The following NSFL1C variants were observed in gnomAD, a reference collection of about 807,000 sequenced individuals.
NSFL1C encodes the protein NSFL1 cofactor, also known as NSFL1 cofactor p47.
In NSFL1C, 14 loss-of-function variants were observed where a neutral mutation model predicts 43.1. The observed-to-expected ratio is 0.32, with a 90% CI of 0.21 to 0.51. The LOEUF (loss-of-function observed/expected upper bound fraction) is 0.51, where lower values mean the gene tolerates loss of function less well. Ranked by LOEUF, NSFL1C falls within the 20% of genes least tolerant of loss-of-function variation. The pLI, the probability that NSFL1C is intolerant of heterozygous loss-of-function variation, is 0.98. For synonymous variants in NSFL1C, 171 were observed against 183.5 expected (o/e 0.93, Z 0.55); for missense variants, 406 against 472.5 (o/e 0.86, Z 1.30).
intron 8 of NSFL1C, among the ~76,000 whole-genome samples, chr20:1,444,611 A>C (rs1347785284): frequency 1.3e-5 from 2 of 151,896 alleles, no homozygotes; most frequent in African/African-American, 4.8e-5. Context: ...TTTGCCCCAA[A>C]CCCCTAAAAT....
At chr20:1,454,846 AG>A in intron 4 of NSFL1C, 120 bp downstream of exon 4, 1 of 1,062,040 alleles carries the variant, frequency 9.4e-7, no homozygotes, top group South Asian at 1.5e-5. Flanking sequence ...TGTTCCGCAC[AG>A]AAGACCAAGT....
In NSFL1C at chr20:1,464,382, A is replaced by G. The variant is rs754051561; in HGVS notation, c.150T>C (p.Ile50=). The G allele has an allele frequency of 8.7e-6, 14 of 1,614,150 alleles. No homozygotes were observed. The highest frequency in any genetic ancestry group is 1.1e-5 in the Non-Finnish European group (13 of 1,180,054). ...SFYEDGGDED[I]VTISQATPSS... The stretch of plus-strand genomic sequence containing the variant: ...TGGGGGTTGCCTGCGAAATGGTCAC[A>G]ATGTCTTCATCCCCTCCGTCCTCAT... The change falls in exon 2 of 9, where the codon ATT becomes ATC. Residue 50 remains isoleucine, a synonymous_variant. Coordinates refer to ENST00000216879, the MANE Select transcript of NSFL1C (RefSeq NM_016143.5).
chr20:1,446,759 C>T (rs1396520089), intron 7 of NSFL1C, among the ~76,000 whole-genome samples: 2 of 152,172 alleles, frequency 1.3e-5, no homozygotes, highest in African/African-American at 4.8e-5. Context: ...CACTCCCAGT[C>T]TTTCTCTTAG....
At chr20:1,447,424 AG>A (rs1215627287) in intron 7 of NSFL1C, among the ~76,000 whole-genome samples, 2 of 143,656 alleles carry the variant, frequency 1.4e-5, no homozygotes, top group Non-Finnish European at 3.0e-5. Context: ...AAATGTTATG[AG>A]TTTTTTTTTT....
chr20:1,465,579 G>A (rs1424378402), intron 1 of NSFL1C, among the ~76,000 whole-genome samples: 1 of 152,142 alleles, frequency 6.6e-6, no homozygotes, highest in African/African-American at 2.4e-5. Context: ...TTATGTTTGG[G>A]GAGTAATTTA....
chr20:1,443,552 TG>T lies in NSFL1C; in HGVS notation c.*196del. Reference sequence around the variant, plus strand: ...TATTTTTTTTTTCATTAAAGTCCATTGATCATCACAAAAACCCAGGAAATGC... The same window carrying T: ...TATTTTTTTTTTCATTAAAGTCCATTATCATCACAAAAACCCAGGAAATGC... On this transcript the variant is annotated 3_prime_UTR_variant, in exon 9 of 9. Coordinates refer to ENST00000216879, the MANE Select transcript of NSFL1C (RefSeq NM_016143.5). 2.0e-6 allele frequency: 1 copy of T among 494,346 alleles called. No individual in the cohort carries two copies. The highest frequency in any genetic ancestry group is 3.0e-5 in the East Asian group (1 of 33,248). 30.6% of individuals were successfully genotyped at this position (494,346 alleles called of 1,614,324 possible).
intron 3 of NSFL1C, among the ~76,000 whole-genome samples, chr20:1,457,679 CTTTA>C (rs1003533466): frequency 4.6e-5 from 7 of 152,150 alleles, no homozygotes; most frequent in African/African-American, 1.4e-4. Context: ...CGAGAGCATG[CTTTA>C]TTTGTGTTTC....
chr20:1,454,458 C>G (rs1252037385), intron 4 of NSFL1C, among the ~76,000 whole-genome samples, 153 bp from the exon 5 acceptor site: 1 of 152,200 alleles, frequency 6.6e-6, no homozygotes, highest in Non-Finnish European at 1.5e-5. Flanking sequence ...TCTCTGATAT[C>G]AGACTCAGTG....
In NSFL1C at chr20:1,458,277, G is replaced by A. The variant is rs370717548; in HGVS notation, c.204-3C>T. ...TGAAGGATGTCACTCTATTATCACTGGAGACACAGAAAGGAGCAAAATGAT... is the reference window on the plus strand; with the variant it reads ...TGAAGGATGTCACTCTATTATCACTAGAGACACAGAAAGGAGCAAAATGAT... On this transcript the variant is annotated splice_region_variant and splice_polypyrimidine_tract_variant and intron_variant, in intron 2 of 8. Coordinates refer to ENST00000216879, the MANE Select transcript of NSFL1C (RefSeq NM_016143.5). The A allele has an allele frequency of 2.5e-6, 4 of 1,612,674 alleles. No homozygotes were observed. Among genetic ancestry groups the A allele is most frequent in the African/African-American group, 1.3e-5 (1 of 74,828 alleles).
chr20:1,463,383 A>G (rs1383528588), intron 2 of NSFL1C: 1 of 152,196 alleles, frequency 6.6e-6, no homozygotes, highest in Non-Finnish European at 1.5e-5. Context: ...CATCACCAAC[A>G]TCTCATAGGT....
chr20:1,466,660 C>T (rs1476867308), intron 1 of NSFL1C, 60 bp downstream of exon 1: 2 of 1,477,206 alleles, frequency 1.4e-6, no homozygotes, highest in African/African-American at 1.4e-5. Flanking sequence ...GCTTAAGGCA[C>T]CAGGCGCCCG....
intron 2 of NSFL1C, among the ~76,000 whole-genome samples, chr20:1,463,061 C>G (rs548676919): frequency 4.1e-4 from 62 of 152,250 alleles, no homozygotes; most frequent in Admixed American, 1.0e-3. Context: ...CCCAAGGTCA[C>G]AAAGCTTTTA....
chr20:1,447,093 A>C (rs895219476), intron 7 of NSFL1C, among the ~76,000 whole-genome samples: 8 of 152,226 alleles, frequency 5.3e-5, no homozygotes, highest in African/African-American at 1.9e-4. Flanking sequence ...CTTTTCTGTG[A>C]ATGTGAAAAA....
chr20:1,466,685 C>G (rs1168314839), intron 1 of NSFL1C, 35 bp downstream of exon 1: 2 of 1,520,018 alleles, frequency 1.3e-6, no homozygotes, highest in East Asian at 2.5e-5. Context: ...CAGCAGTCCC[C>G]GGCCCACCCG....
At chr20:1,464,280 C>T in intron 2 of NSFL1C, 49 bp downstream of exon 2, 2 of 1,544,190 alleles carry the variant, frequency 1.3e-6, no homozygotes, top group Non-Finnish European at 1.8e-6. Context: ...AATAGCTCCT[C>T]TTCACTGCTG....
At chr20:1,456,937 T>A (rs1568624537) in intron 3 of NSFL1C, 1 of 152,192 alleles carries the variant, frequency 6.6e-6, no homozygotes, top group Non-Finnish European at 1.5e-5. Context: ...TGGGGAAACG[T>A]CTGAGATGTA....
chr20:1,448,538 G>C (rs920216148), intron 7 of NSFL1C, among the ~76,000 whole-genome samples: 1 of 152,212 alleles, frequency 6.6e-6, no homozygotes, highest in Admixed American at 6.5e-5. Flanking sequence ...AGGAAAGCCT[G>C]ATGCCTGGAC....
chr20:1,452,708 C>T, intron 6 of NSFL1C, 78 bp from the exon 7 acceptor site: 1 of 1,562,094 alleles, frequency 6.4e-7, no homozygotes, highest in Non-Finnish European at 8.7e-7. Context: ...GAGAAGAAAC[C>T]TCTCAGTCCC....
rs2090342338 is a variant in NSFL1C, at chr20:1,458,250, T to G, written c.228A>C (p.Arg76Ser). ...CTTCATCTTGGTCATGAATGAGGTC[T>G]CTGAAGGATGTCACTCTATTATCAC... is the stretch of plus-strand genomic sequence containing the variant. Reference protein sequence around the residue: ...APSDNRVTSFRDLIHDQDEDE... With the variant: ...APSDNRVTSFSDLIHDQDEDE... Residue 76 changes from arginine to serine, a missense_variant, in exon 3 of 9, where the codon AGA (arginine) becomes AGC (serine). Transcript: ENST00000216879. The G allele has an allele frequency of 6.2e-7, 1 of 1,613,714 alleles. No homozygotes were observed. Among genetic ancestry groups the G allele is most frequent in the African/African-American group, 1.3e-5 (1 of 74,894 alleles).
Sources: allele counts gnomAD v4.1 joint callset (sites outside exome capture counted in the v4.1 genomes callset), GRCh38; gene constraint gnomAD v4.1.1; transcripts MANE v1.5; gene names NCBI Gene and HGNC (gene_info 2026-07-23, HGNC 2026-07-21).